SHROOM3: variants seen among roughly 807,000 people sequenced by gnomAD.
SHROOM3 encodes shroom family member 3.
In SHROOM3, 47 loss-of-function variants were observed where a neutral mutation model predicts 138.6. The ratio of observed to expected loss-of-function variants is 0.34; its 90% CI spans 0.27 to 0.43. The LOEUF (loss-of-function observed/expected upper bound fraction) is 0.43, where lower values mean the gene tolerates loss of function less well. Ranked by LOEUF, SHROOM3 falls within the 20% of genes least tolerant of loss-of-function variation. The probability of loss-of-function intolerance (pLI) is 1.00; values close to 1 mark genes in which losing one functional copy is unlikely to be tolerated. For missense variants in SHROOM3, 2,491 were observed against 2,596.5 expected, an observed-to-expected ratio of 0.96 and a Z score of 0.88; for synonymous variants, 1,062 against 1,063.3, an observed-to-expected ratio of 1.00 and a Z score of 0.02.
chr4:76,710,112 T>C, intron 2 of SHROOM3, 44 bp from the exon 3 acceptor site: 1 of 1,612,996 alleles, frequency 6.2e-7, no homozygotes. Flanking sequence ...CTCCTGTCCA[T>C]GAACACCATC....
rs1338200833 is a variant in SHROOM3 at position 76,782,217 on chromosome 4, C to A, written c.*3040C>A. 1 of 152,304 alleles carries A rather than the reference C, an allele frequency of 6.6e-6. No individual in the cohort carries two copies. The allele number at this position is 152,304 out of a possible 1,614,324, so 9.4% of individuals were successfully genotyped here. A position where few individuals can be genotyped will look rare whatever the true frequency, so the allele number is the denominator to read the frequency against. ...AAAGTGCCTGAGTTTCTCTATGAGACCAGATGCTGTCGAAACCAAACATCT... is the reference window on the plus strand; with the variant it reads ...AAAGTGCCTGAGTTTCTCTATGAGAACAGATGCTGTCGAAACCAAACATCT... On this transcript the variant is annotated 3_prime_UTR_variant, in exon 11 of 11. Transcript: ENST00000296043.
At position 76,672,021 on chromosome 4, in the gene SHROOM3, A is replaced by G. The variant is rs995829648; in HGVS notation, c.324-38135A>G. Among the ~76,000 whole-genome samples, 6 of 152,120 alleles carry G rather than the reference A, an allele frequency of 3.9e-5. No individual in the cohort carries two copies. In the East Asian group the frequency reaches 9.6e-4, roughly 24 times the overall value. ...TTTTTGTATTAGGGATACTCAACATATATTGACTTTTGTTACTTATGTGAT... is the reference window on the plus strand; with the variant it reads ...TTTTTGTATTAGGGATACTCAACATGTATTGACTTTTGTTACTTATGTGAT... On this transcript the variant is annotated intron_variant, in intron 2 of 10. Transcript: ENST00000296043.
intron 2 of SHROOM3, among the ~76,000 whole-genome samples, chr4:76,643,289 T>C (rs1360710435): frequency 6.6e-6 from 1 of 152,044 alleles, no homozygotes; most frequent in Non-Finnish European, 1.5e-5. Flanking sequence ...GTTCTAGGCA[T>C]TTTACAAACA....
chr4:76,544,428 T>TTTTA (rs1733168683), intron 1 of SHROOM3, among the ~76,000 whole-genome samples: 1 of 143,850 alleles, frequency 7.0e-6, no homozygotes, highest in Non-Finnish European at 1.5e-5. Flanking sequence ...TTTTTTTTTT[T>TTTTA]TTTTTTGATG....
intron 2 of SHROOM3, among the ~76,000 whole-genome samples, chr4:76,688,109 A>G (rs1242755452): frequency 6.6e-6 from 1 of 152,272 alleles, no homozygotes; most frequent in African/African-American, 2.4e-5. Context: ...ACGAGGACAC[A>G]GAACAAACCA....
chr4:76,442,695 C>T (rs1217865970), intron 1 of SHROOM3, among the ~76,000 whole-genome samples: 1 of 151,748 alleles, frequency 6.6e-6, no homozygotes, highest in African/African-American at 2.4e-5. Context: ...AGGCGTGAGT[C>T]ACCGTGCCCG....
chr4:76,691,939 G>C (rs1449578917), intron 2 of SHROOM3, among the ~76,000 whole-genome samples: 1 of 152,290 alleles, frequency 6.6e-6, no homozygotes, highest in East Asian at 1.9e-4. Flanking sequence ...ACTTCCAGAA[G>C]GTCAGGATTT....
Position 76,459,384 on chromosome 4 carries a change from T to A in SHROOM3, c.168+23164T>A, listed in dbSNP as rs556014243. ...GCTTGAGTGATGCTACACAGCCGAA[T>A]AGTTGGGATTTTTTCCCCCTCTTGT... On this transcript the variant is annotated intron_variant, in intron 1 of 10. Coordinates refer to ENST00000296043, the MANE Select transcript of SHROOM3 (RefSeq NM_020859.4). 5.9e-5 allele frequency among the ~76,000 whole-genome samples: 9 copies of A among 152,316 alleles called. No homozygotes were observed. The South Asian group carries it at 1.9e-3, about 32-fold the overall frequency.
intron 2 of SHROOM3, among the ~76,000 whole-genome samples, chr4:76,655,994 G>T (rs569677949): frequency 1.3e-5 from 2 of 152,286 alleles, no homozygotes; most frequent in East Asian, 3.9e-4. Context: ...TTGTATTCAT[G>T]AAATTAGAGA....
chr4:76,722,534 C>T lies in SHROOM3; in HGVS notation c.456-8270C>T, dbSNP rs527314316. On this transcript the variant is annotated intron_variant, in intron 3 of 10. Transcript: ENST00000296043. ...TGAAGGGTAGGAGGAGAGAGAAGAT[C>T]AGAAAACATAACTATTGGGTACTAG... Among the ~76,000 whole-genome samples, 19 of 152,024 alleles carry T rather than the reference C, an allele frequency of 1.2e-4. No individual in the cohort carries two copies. The South Asian group carries it at 4.0e-3, about 32-fold the overall frequency.
chr4:76,513,581 TG>T (rs1732383353), intron 1 of SHROOM3, among the ~76,000 whole-genome samples: 1 of 152,214 alleles, frequency 6.6e-6, no homozygotes, highest in African/African-American at 2.4e-5. Context: ...TCCAAAGCAC[TG>T]GGATTACAGG....
At chr4:76,513,207 T>G (rs77537507) in intron 1 of SHROOM3, among the ~76,000 whole-genome samples, 25,852 of 152,206 alleles carry the variant, frequency 0.17, 2,963 homozygotes, top group Non-Finnish European at 0.25. Flanking sequence ...TTTACATGTA[T>G]GCTTTCGACT....
intron 3 of SHROOM3, among the ~76,000 whole-genome samples, chr4:76,719,911 C>T (rs1048133739): frequency 5.3e-5 from 8 of 152,190 alleles, no homozygotes; most frequent in Admixed American, 6.5e-5. Context: ...GGTGTTACAG[C>T]GTTATGACTG....
At chr4:76,583,937 A>G (rs372808033) in intron 2 of SHROOM3, among the ~76,000 whole-genome samples, 1 of 152,238 alleles carries the variant, frequency 6.6e-6, no homozygotes, top group African/African-American at 2.4e-5. Context: ...GTAAATATCA[A>G]TGCTTTCCTT....
intron 2 of SHROOM3, among the ~76,000 whole-genome samples, chr4:76,660,577 A>G (rs1240407844): frequency 6.6e-6 from 1 of 152,014 alleles, no homozygotes; most frequent in African/African-American, 2.4e-5. Flanking sequence ...CCAGATTCAA[A>G]TGATTCGTCT....
In SHROOM3 at chr4:76,436,197, G is replaced by A. The variant is rs767412535; in HGVS notation, c.145G>A (p.Gly49Arg). 1.3e-5 allele frequency: 21 copies of A among 1,613,866 alleles called. No individual in the cohort carries two copies. In the South Asian group the frequency reaches 1.3e-4, roughly 10 times the overall value. The part of the protein sequence containing the change: ...GFTLKGGLEH[G>R]EPLIISKVEE... ...TACTCTAAAGGGTGGCCTGGAGCAC[G>A]GAGAACCATTAATCATCTCTAAGGT... Residue 49 changes from glycine (G) to arginine (R), a missense_variant, in exon 1 of 11, where the codon GGA becomes AGA. Gly to Arg is a moderately radical substitution (Grantham distance 125). Transcript: ENST00000296043.
At chr4:76,614,201 C>A (rs1219034277) in intron 2 of SHROOM3, among the ~76,000 whole-genome samples, 1 of 152,090 alleles carries the variant, frequency 6.6e-6, no homozygotes, top group Non-Finnish European at 1.5e-5. Flanking sequence ...ACTACAGGCG[C>A]CTGCCACCAT....
intron 9 of SHROOM3, among the ~76,000 whole-genome samples, chr4:76,764,035 TTATTAATAACCTAAGA>T (rs1264807339): frequency 6.6e-6 from 1 of 152,206 alleles, no homozygotes; most frequent in Non-Finnish European, 1.5e-5. Flanking sequence ...ATATTTAAAG[TTATTAATAACCTAAGA>T]TATATATCTA....
intron 1 of SHROOM3, among the ~76,000 whole-genome samples, chr4:76,447,071 C>T (rs1730822345): frequency 6.6e-6 from 1 of 152,186 alleles, no homozygotes; most frequent in Non-Finnish European, 1.5e-5. Context: ...GCCATTGCTA[C>T]CTGCTAGGGT....
Sources: gnomAD v4.1 joint callset for allele counts (sites outside exome capture counted in the v4.1 genomes callset) on GRCh38, gnomAD v4.1.1 for gene constraint, MANE v1.5 for transcripts, NCBI Gene and HGNC (gene_info 2026-07-23, HGNC 2026-07-21) for gene names.